MORC2: variants seen among roughly 807,000 people sequenced by gnomAD.
The protein encoded by MORC2 is MORC family CW-type zinc finger 2.
MORC2 carries 30 observed loss-of-function variants against 136.0 expected under a neutral mutation model. The ratio of observed to expected loss-of-function variants is 0.22; its 90% CI spans 0.17 to 0.30. The LOEUF is 0.30. Among genes scored for constraint, MORC2 ranks in the 10% least tolerant of loss-of-function variants. The probability of loss-of-function intolerance (pLI) is 1.00; values close to 1 mark genes in which losing one functional copy is unlikely to be tolerated. For missense variants in MORC2, 922 were observed against 1,333.1 expected (o/e 0.69, Z 4.80); for synonymous variants, 439 against 487.0 (o/e 0.90, Z 1.30).
At chr22:30,951,887 C>T (rs1328170556) in intron 3 of MORC2, among the ~76,000 whole-genome samples, 4 of 151,630 alleles carry the variant, frequency 2.6e-5, no homozygotes, top group Admixed American at 1.3e-4. Context: ...CTCACTGCAA[C>T]CTCTGCCTCC....
intron 3 of MORC2, 133 bp from the exon 4 acceptor site, chr22:30,950,578 G>T: frequency 1.2e-6 from 1 of 805,862 alleles, no homozygotes; most frequent in Non-Finnish European, 2.0e-6. Context: ...CTACGCTGGT[G>T]TGAATTAAAC....
At chr22:30,942,322 T>G (rs2040753839) in intron 6 of MORC2, 51 bp from the exon 7 acceptor site, 9 of 1,560,578 alleles carry the variant, frequency 5.8e-6, no homozygotes, top group Non-Finnish European at 7.8e-6. Context: ...AGAACAGCCT[T>G]CCTCCCAAAT....
At position 30,936,904 on chromosome 22, in the gene MORC2, C is replaced by T. The variant is rs1343418813; in HGVS notation, c.1604+28G>A. ...GAGGGGCAGGGGAGAAAAGTACCCA[C>T]AATCCCCTTGTTAGACAATGTGCTC... On this transcript the variant is annotated intron_variant, in intron 16 of 25. Coordinates refer to ENST00000397641, the MANE Select transcript of MORC2 (RefSeq NM_001303256.3). 3.8e-6 allele frequency: 6 copies of T among 1,591,820 alleles called. No individual in the cohort carries two copies. The African/African-American group carries it at 6.7e-5, about 18-fold the overall frequency.
At chr22:30,964,112 C>A (rs142523401) in intron 1 of MORC2, among the ~76,000 whole-genome samples, 206 of 152,270 alleles carry the variant, frequency 1.4e-3, no homozygotes, top group African/African-American at 4.6e-3. Flanking sequence ...AATCCCAGCA[C>A]TTTGGGAGGC....
Position 30,968,006 on chromosome 22 carries a change from A to T in MORC2, c.-117T>A, listed in dbSNP as rs1053921230. 7 of 869,032 alleles carry T rather than the reference A, an allele frequency of 8.1e-6. No individual in the cohort carries two copies. In the African/African-American group the frequency reaches 1.2e-4, roughly 15 times the overall value. 53.8% of individuals were successfully genotyped at this position (869,032 alleles called of 1,614,324 possible). A position where few individuals can be genotyped will look rare whatever the true frequency, so the allele number is the denominator to read the frequency against. On this transcript the variant is annotated 5_prime_UTR_variant, in exon 1 of 26. Coordinates refer to ENST00000397641, the MANE Select transcript of MORC2 (RefSeq NM_001303256.3). ...TTCAGTAAGTCTGTGCTCCTTAATG[A>T]CAGTTAAAGTAACCTAGTAGCTATC... is the stretch of plus-strand genomic sequence containing the variant.
Position 30,932,583 on chromosome 22 carries a change from G to T in MORC2, c.2709C>A (p.Thr903=). The part of the protein sequence containing the change: ...RIEPDTTALS[T]NHETIDLLVQ... ...CAAGCAGGTCGATGGTCTCGTGATT[G>T]GTGCTCAGGGCAGTGGTGTCAGGCT... The change falls in exon 23 of 26, where the codon ACC becomes ACA. Residue 903 remains threonine, a synonymous_variant. Coordinates refer to ENST00000397641, the MANE Select transcript of MORC2 (RefSeq NM_001303256.3). The surrounding 1 kb of genome is among the most constrained non-coding windows in gnomAD (Gnocchi z 4.4). 1 of 1,614,162 alleles carries T rather than the reference G, an allele frequency of 6.2e-7. No individual in the cohort carries two copies. The highest frequency in any genetic ancestry group is 8.5e-7 in the Non-Finnish European group (1 of 1,180,030).
At chr22:30,962,997 A>C (rs986196945) in intron 1 of MORC2, among the ~76,000 whole-genome samples, 1 of 151,680 alleles carries the variant, frequency 6.6e-6, no homozygotes, top group Non-Finnish European at 1.5e-5. Flanking sequence ...TTTTTGAGAC[A>C]GAGTCTCGCT....
chr22:30,958,995 T>C, intron 1 of MORC2: 1 of 228,522 alleles, frequency 4.4e-6, no homozygotes. Flanking sequence ...TCACTATTCA[T>C]ATCCTGCCTA....
chr22:30,956,327 C>T (rs557851433), intron 3 of MORC2, among the ~76,000 whole-genome samples: 33 of 152,272 alleles, frequency 2.2e-4, no homozygotes, highest in Non-Finnish European at 4.4e-4. Flanking sequence ...TGCTATTTTC[C>T]GCAACCGATA....
chr22:30,932,199 CTCT>C lies in MORC2; in HGVS notation c.2841+157_2841+159del. On this transcript the variant is annotated intron_variant, in intron 24 of 25. Coordinates refer to ENST00000397641, the MANE Select transcript of MORC2 (RefSeq NM_001303256.3). This position sits in a 1 kb window ranked among gnomAD's most constrained non-coding sequence, Gnocchi z 4.4. ...TTTTTTTCCCACATCATAAACTCTC[CTCT>C]TCTTTCAGCAGGAGAGAGGCTGGCT... 1 of 724,334 alleles carries C rather than the reference CTCT, an allele frequency of 1.4e-6. No individual in the cohort carries two copies. Among genetic ancestry groups the C allele is most frequent in the Non-Finnish European group, 2.3e-6 (1 of 439,968 alleles). The allele number at this position is 724,334 out of a possible 1,614,324, so 44.9% of individuals were successfully genotyped here. A position where few individuals can be genotyped will look rare whatever the true frequency, so the allele number is the denominator to read the frequency against.
At chr22:30,954,596 C>T (rs1490104654) in intron 3 of MORC2, among the ~76,000 whole-genome samples, 5 of 152,174 alleles carry the variant, frequency 3.3e-5, no homozygotes, top group Admixed American at 1.3e-4. Context: ...CAAAGCATAA[C>T]AGGAGTTGTA....
chr22:30,965,351 G>A (rs1028193907), intron 1 of MORC2, among the ~76,000 whole-genome samples: 1 of 152,062 alleles, frequency 6.6e-6, no homozygotes, highest in African/African-American at 2.4e-5. Context: ...ACACACAGGT[G>A]GTTCATCTTC....
intron 6 of MORC2, among the ~76,000 whole-genome samples, chr22:30,944,315 C>T (rs1350126261): frequency 1.3e-5 from 2 of 152,116 alleles, no homozygotes; most frequent in Non-Finnish European, 2.9e-5. Flanking sequence ...CACAGCCATC[C>T]CAGGTGACAA....
At chr22:30,933,541 T>TA in intron 20 of MORC2, 21 bp from the exon 21 acceptor site, 1 of 1,612,806 alleles carries the variant, frequency 6.2e-7, no homozygotes, top group Non-Finnish European at 8.5e-7. Context: ...AGCAGTCTAT[T>TA]AGAGGCATCC....
rs968397724 is a variant in MORC2 at position 30,958,593 on chromosome 22, A to G, written c.122+48T>C. ...CAGAGAGCAAAGGTCACAGCTACCT[A>G]AAGTGTTTCCACTTCAAGCACAGAT... On this transcript the variant is annotated intron_variant, in intron 2 of 25. Transcript: ENST00000397641. 9 of 1,458,996 alleles carry G rather than the reference A, an allele frequency of 6.2e-6. No individual in the cohort carries two copies. The African/African-American group carries it at 8.5e-5, about 14-fold the overall frequency. 90.4% of individuals were successfully genotyped at this position (1,458,996 alleles called of 1,614,324 possible). A position where few individuals can be genotyped will look rare whatever the true frequency, so the allele number is the denominator to read the frequency against.
In MORC2 at chr22:30,932,338, C is replaced by A; in HGVS notation, c.2841+21G>T. On this transcript the variant is annotated intron_variant, in intron 24 of 25. Coordinates refer to ENST00000397641, the MANE Select transcript of MORC2 (RefSeq NM_001303256.3). The surrounding 1 kb of genome is among the most constrained non-coding windows in gnomAD (Gnocchi z 4.4). ...GGTGGGGGAATGAAGAGTGTGGAAT[C>A]GAAGGTCAGGCCAGACTCACCAGAG... is the stretch of plus-strand genomic sequence containing the variant. 1 of 1,577,698 alleles carries A rather than the reference C, an allele frequency of 6.3e-7. No homozygotes were observed. The highest frequency in any genetic ancestry group is 8.7e-7 in the Non-Finnish European group (1 of 1,150,164).
At position 30,941,572 on chromosome 22, in the gene MORC2, A is replaced by C; in HGVS notation, c.699-14T>G. The C allele has an allele frequency of 6.2e-7, 1 of 1,609,892 alleles. No individual in the cohort carries two copies. The highest frequency in any genetic ancestry group is 8.5e-7 in the Non-Finnish European group (1 of 1,176,764). Reference sequence around the variant, plus strand: ...CGCTCTGGCTTCCTGGAGAGGGCAAAAACAGAGAAGTGCTGTCACCTGCTC... The same window carrying C: ...CGCTCTGGCTTCCTGGAGAGGGCAACAACAGAGAAGTGCTGTCACCTGCTC... On this transcript the variant is annotated splice_polypyrimidine_tract_variant and intron_variant, in intron 8 of 25. Transcript: ENST00000397641. The surrounding 1 kb of genome is among the most constrained non-coding windows in gnomAD (Gnocchi z 4.6).
In MORC2 at chr22:30,934,491, C is replaced by T. The variant is rs1028617200; in HGVS notation, c.2193+290G>A. ...CGCAGCCCACTCAGGCTATCTGTCA[C>T]CAGATGACTGACCTAAGCCCACACT... On this transcript the variant is annotated intron_variant, in intron 19 of 25. Coordinates refer to ENST00000397641, the MANE Select transcript of MORC2 (RefSeq NM_001303256.3). The surrounding 1 kb of genome is among the most constrained non-coding windows in gnomAD (Gnocchi z 4.4). Among the ~76,000 whole-genome samples, 7 of 152,202 alleles carry T rather than the reference C, an allele frequency of 4.6e-5. No homozygotes were observed. Among genetic ancestry groups the T allele is most frequent in the Non-Finnish European group, 7.3e-5 (5 of 68,046 alleles).
chr22:30,947,637 C>G (rs748587211), intron 5 of MORC2, among the ~76,000 whole-genome samples: 6 of 152,178 alleles, frequency 3.9e-5, no homozygotes, highest in Admixed American at 6.5e-5. Context: ...GCCAAGTCCT[C>G]GTTCTCCTCC....
Sources: gnomAD v4.1 joint callset for allele counts (sites outside exome capture counted in the v4.1 genomes callset) on GRCh38, gnomAD v4.1.1 for gene constraint, Gnocchi (gnomAD v3.1) non-coding constraint, MANE v1.5 for transcripts, NCBI Gene and HGNC (gene_info 2026-07-23, HGNC 2026-07-21) for gene names.